Variants in THBS1 observed in about 807,000 individuals in gnomAD.
THBS1 encodes thrombospondin 1.
Under a neutral mutation model 126.1 loss-of-function variants are expected in THBS1, and 29 were observed. That is an observed-to-expected ratio of 0.23 (90% CI 0.17 to 0.31). THBS1 has a LOEUF of 0.31. THBS1 is among the 10% of genes least tolerant of loss of function. THBS1 has a pLI of 1.00. For synonymous variants in THBS1, 496 were observed against 577.8 expected, an observed-to-expected ratio of 0.86 and a Z score of 2.03; for missense variants, 1,198 against 1,545.2, an observed-to-expected ratio of 0.78 and a Z score of 3.77.
chr15:39,596,262 A>G lies in THBS1; in HGVS notation c.*893A>G, dbSNP rs1431673702. The stretch of plus-strand genomic sequence containing the variant: ...CCGTGCTTATATTTTTATGGTTACA[A>G]TGGCACAAAATTATTATCAACCTAA... On this transcript the variant is annotated 3_prime_UTR_variant, in exon 22 of 22. Coordinates refer to ENST00000260356, the MANE Select transcript of THBS1 (RefSeq NM_003246.4). 1 of 158,634 alleles carries G rather than the reference A, an allele frequency of 6.3e-6. No homozygotes were observed. Among genetic ancestry groups the G allele is most frequent in the Non-Finnish European group, 1.4e-5 (1 of 71,958 alleles). 9.8% of individuals were successfully genotyped at this position (158,634 alleles called of 1,614,324 possible).
Position 39,594,348 on chromosome 15 carries a change from T to C in THBS1, c.3413T>C (p.Ile1138Thr). 1 of 1,614,216 alleles carries C rather than the reference T, an allele frequency of 6.2e-7. No homozygotes were observed. Among genetic ancestry groups the C allele is most frequent in the Non-Finnish European group, 8.5e-7 (1 of 1,180,040 alleles). Residue 1138 changes from isoleucine (I) to threonine (T), a missense_variant, in exon 21 of 22, where the codon ATC becomes ACC. Ile to Thr is a moderately conservative substitution (Grantham distance 89, BLOSUM62 -1). Transcript: ENST00000260356. This position sits in a 1 kb window ranked among gnomAD's most constrained non-coding sequence, Gnocchi z 4.4. ...AAAATCATGGCTGACTCAGGACCCATCTATGATAAAACCTATGCTGGTGGT... is the reference window on the plus strand; with the variant it reads ...AAAATCATGGCTGACTCAGGACCCACCTATGATAAAACCTATGCTGGTGGT... ...GKKIMADSGP[I>T]YDKTYAGGRL...
chr15:39,593,079 T>C lies in THBS1; in HGVS notation c.2847T>C (p.Asn949=). 1.2e-6 allele frequency: 2 copies of C among 1,603,206 alleles called. No individual in the cohort carries two copies. The highest frequency in any genetic ancestry group is 1.7e-6 in the Non-Finnish European group (2 of 1,175,150). ...VPDIDDICPE[N]VDISETDFRR... is the part of the protein sequence containing the mutation. ...ACATCGATGACATCTGTCCTGAGAA[T>C]GTTGACATCAGTGAGACCGATTTCC... The change falls in exon 18 of 22, where the codon AAT becomes AAC. Residue 949 remains asparagine (N), a synonymous_variant. Coordinates refer to ENST00000260356, the MANE Select transcript of THBS1 (RefSeq NM_003246.4). This position sits in a 1 kb window ranked among gnomAD's most constrained non-coding sequence, Gnocchi z 5.9.
chr15:39,586,936 C>A (rs185432438), intron 7 of THBS1: 1 of 158,262 alleles, frequency 6.3e-6, no homozygotes, highest in Non-Finnish European at 1.4e-5. Context: ...GGCCGTTGGC[C>A]TAAGAAATAT....
rs908919227 is a variant in THBS1, at chr15:39,596,574, G to A, written c.*1205G>A. On this transcript the variant is annotated 3_prime_UTR_variant, in exon 22 of 22. Transcript: ENST00000260356. ...TCATACGGAAAGTGTTTGAGAGCAA[G>A]TAGTTGACATTTATCAGCAAATCTC... is the stretch of plus-strand genomic sequence containing the variant. The A allele has an allele frequency of 1.3e-5, 2 of 152,232 alleles. No individual in the cohort carries two copies. The highest frequency in any genetic ancestry group is 4.8e-5 in the African/African-American group (2 of 41,458). The allele number at this position is 152,232 out of a possible 1,614,324, so 9.4% of individuals were successfully genotyped here. A position where few individuals can be genotyped will look rare whatever the true frequency, so the allele number is the denominator to read the frequency against.
In THBS1 at chr15:39,588,202, G is replaced by A; in HGVS notation, c.1455G>A (p.Lys485=). 1 of 1,613,800 alleles carries A rather than the reference G, an allele frequency of 6.2e-7. No individual in the cohort carries two copies. Among genetic ancestry groups the A allele is most frequent in the Non-Finnish European group, 8.5e-7 (1 of 1,180,004 alleles). The stretch of plus-strand genomic sequence containing the variant: ...AAGCGCGGGAGACCAAAGCCTGCAA[G>A]AAAGACGCCTGCCCCAGTAAGTGTG... ...EGEARETKAC[K]KDACPINGGW... Residue 485 remains lysine, a synonymous_variant, in exon 9 of 22, where the codon AAG becomes AAA. Transcript: ENST00000260356.
rs530393815 is a variant in THBS1 at position 39,588,480 on chromosome 15, T to C, written c.1472-46T>C. 59 of 1,519,252 alleles carry C rather than the reference T, an allele frequency of 3.9e-5. No individual in the cohort carries two copies. In the East Asian group the frequency reaches 1.3e-3, roughly 34 times the overall value. The allele number at this position is 1,519,252 out of a possible 1,614,324, so 94.1% of individuals were successfully genotyped here. On this transcript the variant is annotated intron_variant, in intron 9 of 21. Coordinates refer to ENST00000260356, the MANE Select transcript of THBS1 (RefSeq NM_003246.4). ...AGGAGAGTCTATGACAAGGGAGGGATTTGAAAGTTGATCTTAATTGTTGCC... is the reference window on the plus strand; with the variant it reads ...AGGAGAGTCTATGACAAGGGAGGGACTTGAAAGTTGATCTTAATTGTTGCC...
chr15:39,589,298 T>G lies in THBS1; in HGVS notation c.1870T>G (p.Phe624Val). The G allele has an allele frequency of 1.2e-6, 2 of 1,614,050 alleles. No homozygotes were observed. Among genetic ancestry groups the G allele is most frequent in the Non-Finnish European group, 1.7e-6 (2 of 1,180,012 alleles). ...GYNCLPCPPR[F>V]TGSQPFGQGV... ...CAACTGCCTGCCCTGCCCCCCACGCTTCACCGGCTCACAGCCCTTCGGCCA... is the reference window on the plus strand; with the variant it reads ...CAACTGCCTGCCCTGCCCCCCACGCGTCACCGGCTCACAGCCCTTCGGCCA... Residue 624 changes from phenylalanine to valine, a missense_variant, in exon 12 of 22, where the codon TTC becomes GTC. Phe to Val is a conservative substitution (Grantham distance 50, BLOSUM62 -1). Transcript: ENST00000260356. The surrounding 1 kb of genome is among the most constrained non-coding windows in gnomAD (Gnocchi z 4.7).
chr15:39,584,530 C>T, intron 6 of THBS1, 108 bp downstream of exon 6: 1 of 1,446,278 alleles, frequency 6.9e-7, no homozygotes, highest in South Asian at 1.4e-5. Context: ...GTTCCATGGC[C>T]TGATAACAAA....
At position 39,591,208 on chromosome 15, in the gene THBS1, T is replaced by C; in HGVS notation, c.2271T>C (p.His757=). Residue 757 remains histidine, a synonymous_variant, in exon 15 of 22, where the codon CAT becomes CAC. Coordinates refer to ENST00000260356, the MANE Select transcript of THBS1 (RefSeq NM_003246.4). ...CTTTGCAGGACAACTGTCCATTCCA[T>C]TACAACCCAGCTCAGTATGACTATG... ...IPDDRDNCPF[H]YNPAQYDYDR... 6.2e-7 allele frequency: 1 copy of C among 1,614,064 alleles called. No homozygotes were observed. Among genetic ancestry groups the C allele is most frequent in the Non-Finnish European group, 8.5e-7 (1 of 1,179,980 alleles).
chr15:39,582,509 G>A lies in THBS1; in HGVS notation c.384G>A (p.Leu128=). The change falls in exon 3 of 22, where the codon CTG becomes CTA. Residue 128 remains leucine (L), a synonymous_variant. Transcript: ENST00000260356. ...SVVSNGKAGT[L]DLSLTVQGKQ... is the part of the protein sequence containing the mutation. ...TGTCCAATGGCAAGGCGGGCACCCT[G>A]GACCTCAGCCTGACCGTCCAAGGAA... 6.2e-7 allele frequency: 1 copy of A among 1,614,136 alleles called. No individual in the cohort carries two copies.
At position 39,595,257 on chromosome 15, in the gene THBS1, G is replaced by C. The variant is rs868569323; in HGVS notation, c.3506-105G>C. The C allele has an allele frequency of 2.8e-4, 202 of 726,812 alleles. No homozygotes were observed. The Middle Eastern group carries it at 3.2e-3, about 12-fold the overall frequency. The allele number at this position is 726,812 out of a possible 1,614,324, so 45.0% of individuals were successfully genotyped here. A position where few individuals can be genotyped will look rare whatever the true frequency, so the allele number is the denominator to read the frequency against. On this transcript the variant is annotated intron_variant, in intron 21 of 21. Coordinates refer to ENST00000260356, the MANE Select transcript of THBS1 (RefSeq NM_003246.4). ...CCTTAAAATTAGGCTTTTGTCATTA[G>C]AAAAGTAGAGCTATTCCTATGTGGT...
rs775357152 is a variant in THBS1, at chr15:39,581,849, A to G, written c.-9A>G. 11 of 1,613,650 alleles carry G rather than the reference A, an allele frequency of 6.8e-6. No individual in the cohort carries two copies. The highest frequency in any genetic ancestry group is 8.5e-6 in the Non-Finnish European group (10 of 1,179,724). ...TACAGGATCCCTGCTGGGCACCAAC[A>G]GCTCCACCATGGGGCTGGCCTGGGG... On this transcript the variant is annotated 5_prime_UTR_variant, in exon 2 of 22. Coordinates refer to ENST00000260356, the MANE Select transcript of THBS1 (RefSeq NM_003246.4).
At position 39,595,954 on chromosome 15, in the gene THBS1, G is replaced by A. The variant is rs3743124; in HGVS notation, c.*585G>A. The A allele has an allele frequency of 1.9e-4, 81 of 436,748 alleles. 2 individuals are homozygous for A. The East Asian group carries it at 4.2e-3, about 23-fold the overall frequency. The allele number at this position is 436,748 out of a possible 1,614,324, so 27.1% of individuals were successfully genotyped here. The stretch of plus-strand genomic sequence containing the variant: ...GCTGGATTTCATGATGCTGACTGGC[G>A]TTAGCTGATTAACCCATGTAAATAG... On this transcript the variant is annotated 3_prime_UTR_variant, in exon 22 of 22. Coordinates refer to ENST00000260356, the MANE Select transcript of THBS1 (RefSeq NM_003246.4).
intron 4 of THBS1, 142 bp downstream of exon 4, chr15:39,583,834 G>C (rs1031120809): frequency 8.4e-7 from 1 of 1,185,910 alleles, no homozygotes; most frequent in Non-Finnish European, 1.2e-6. Flanking sequence ...GACTCCAAGG[G>C]GTATTATACA....
chr15:39,583,716 G>A, intron 4 of THBS1, 24 bp downstream of exon 4: 1 of 1,605,304 alleles, frequency 6.2e-7, no homozygotes, highest in Non-Finnish European at 8.5e-7. Flanking sequence ...TATTTTTAGG[G>A]CACATAGGGA....
At position 39,595,652 on chromosome 15, in the gene THBS1, G is replaced by T. The variant is rs765232904; in HGVS notation, c.*283G>T. 7.8e-5 allele frequency: 46 copies of T among 589,652 alleles called. No homozygotes were observed. Among genetic ancestry groups the T allele is most frequent in the Non-Finnish European group, 9.9e-5 (31 of 313,126 alleles). 36.5% of individuals were successfully genotyped at this position (589,652 alleles called of 1,614,324 possible). ...AGCATCTACTTGCTTCAGTTGGGAA[G>T]GTGCCCATTCCACTCTGCCTTTGTC... On this transcript the variant is annotated 3_prime_UTR_variant, in exon 22 of 22. Coordinates refer to ENST00000260356, the MANE Select transcript of THBS1 (RefSeq NM_003246.4).
At position 39,584,537 on chromosome 15, in the gene THBS1, C is replaced by CAAAAAAAAA; in HGVS notation, c.1026+118_1026+119insAAAAAAAAA. On this transcript the variant is annotated intron_variant, in intron 6 of 21. Transcript: ENST00000260356. ...CTTTTTATGTTCCATGGCCTGATAACAAAGTGTTTTTTTTTTCTTTAAGAT... is the reference window on the plus strand; with the variant it reads ...CTTTTTATGTTCCATGGCCTGATAACAAAAAAAAAAAAGTGTTTTTTTTTTCTTTAAGAT... 3 of 1,377,996 alleles carry CAAAAAAAAA rather than the reference C, an allele frequency of 2.2e-6. No homozygotes were observed. In the South Asian group the frequency reaches 4.3e-5, roughly 20 times the overall value. 85.4% of individuals were successfully genotyped at this position (1,377,996 alleles called of 1,614,324 possible).
chr15:39,588,799 G>A (rs553349338), intron 10 of THBS1, 100 bp downstream of exon 10: 1 of 1,566,906 alleles, frequency 6.4e-7, no homozygotes, highest in African/African-American at 1.3e-5. Flanking sequence ...TTAGTCCTGA[G>A]CGATTTGATT....
At chr15:39,590,648 T>G (rs1185336224) in intron 14 of THBS1, 25 bp downstream of exon 14, 10 of 1,598,306 alleles carry the variant, frequency 6.3e-6, no homozygotes, top group Non-Finnish European at 8.6e-6. Context: ...CTATCCCTTT[T>G]TCATCTTTTC....
Sources: allele counts gnomAD v4.1 joint callset, GRCh38; gene constraint gnomAD v4.1.1; non-coding constraint Gnocchi (gnomAD v3.1); transcripts MANE v1.5; gene names NCBI Gene and HGNC (gene_info 2026-07-23, HGNC 2026-07-21).